The following TRDN variants were observed in gnomAD, a reference collection of about 807,000 sequenced individuals.
TRDN encodes the protein triadin.
Under a neutral mutation model 149.7 loss-of-function variants are expected in TRDN, and 161 were observed. That is an observed-to-expected ratio of 1.08 (90% CI 0.95 to 1.23). The LOEUF is 1.23. Ranked by LOEUF, TRDN falls within the 50% of genes most tolerant of loss-of-function variation. The probability of loss-of-function intolerance (pLI) is 0.00; values close to 1 mark genes in which losing one functional copy is unlikely to be tolerated. For synonymous variants in TRDN, 294 were observed against 250.5 expected (o/e 1.17, Z -1.64); for missense variants, 896 against 823.5 (o/e 1.09, Z -1.08).
intron 1 of TRDN, among the ~76,000 whole-genome samples, chr6:123,602,813 T>C (rs1178548696): frequency 6.6e-6 from 1 of 152,042 alleles, no homozygotes; most frequent in Admixed American, 6.6e-5. Context: ...GTCAGTGGAC[T>C]AGCACTCACA....
chr6:123,301,752 C>CATATAT (rs776895792), intron 24 of TRDN, among the ~76,000 whole-genome samples: 30 of 77,106 alleles, frequency 3.9e-4, no homozygotes, highest in African/African-American at 1.2e-3. Context: ...TATATATATA[C>CATATAT]ATATATATAT....
chr6:123,302,487 C>A (rs1443236074), intron 24 of TRDN, among the ~76,000 whole-genome samples: 1 of 152,068 alleles, frequency 6.6e-6, no homozygotes, highest in East Asian at 1.9e-4. Context: ...AGAAATCACC[C>A]ATCAAGTGAG....
At chr6:123,302,866 T>C (rs950078641) in intron 24 of TRDN, among the ~76,000 whole-genome samples, 2 of 152,156 alleles carry the variant, frequency 1.3e-5, no homozygotes, top group African/African-American at 4.8e-5. Flanking sequence ...AACAAGCAGC[T>C]AGGTGATGCT....
chr6:123,518,313 A>G (rs1233012577), intron 5 of TRDN, among the ~76,000 whole-genome samples: 2 of 152,210 alleles, frequency 1.3e-5, no homozygotes, highest in Non-Finnish European at 2.9e-5. Context: ...ATTCATACTG[A>G]CCACAAATGG....
chr6:123,499,838 C>T (rs945543177), intron 8 of TRDN, among the ~76,000 whole-genome samples: 2 of 146,958 alleles, frequency 1.4e-5, no homozygotes, highest in Non-Finnish European at 3.0e-5. Flanking sequence ...CCAGTATTTA[C>T]AAAGCATTTA....
intron 8 of TRDN, chr6:123,503,172 A>T (rs9385301): frequency 0.86 from 847,820 of 984,578 alleles, 365,612 homozygotes; most frequent in East Asian, 0.88. Context: ...TGAAAAAGAA[A>T]CTTGAGAACT....
At chr6:123,599,999 T>C (rs1784210157) in intron 1 of TRDN, among the ~76,000 whole-genome samples, 1 of 151,980 alleles carries the variant, frequency 6.6e-6, no homozygotes, top group East Asian at 1.9e-4. Flanking sequence ...AGATCTCCCA[T>C]TAGAACATAA....
At chr6:123,255,303 A>T (rs936760162) in intron 36 of TRDN, among the ~76,000 whole-genome samples, 178 bp from the exon 37 acceptor site, 1 of 152,128 alleles carries the variant, frequency 6.6e-6, no homozygotes, top group Non-Finnish European at 1.5e-5. Context: ...AGCACTAGAC[A>T]TTGTTTTATA....
chr6:123,414,095 C>T (rs925071698), intron 12 of TRDN, among the ~76,000 whole-genome samples: 2 of 152,200 alleles, frequency 1.3e-5, no homozygotes, highest in African/African-American at 4.8e-5. Flanking sequence ...TCTTCAAGTT[C>T]GCTATCTGAT....
At chr6:123,247,684 T>C (rs1776233260) in intron 38 of TRDN, among the ~76,000 whole-genome samples, 1 of 152,130 alleles carries the variant, frequency 6.6e-6, no homozygotes, top group African/African-American at 2.4e-5. Flanking sequence ...CTAAAGTAAT[T>C]TATGGATTCA....
chr6:123,261,436 A>C (rs1024709081), intron 33 of TRDN, among the ~76,000 whole-genome samples: 14 of 151,836 alleles, frequency 9.2e-5, no homozygotes, highest in Non-Finnish European at 1.9e-4. Flanking sequence ...GCTCATACAG[A>C]ACCATGCTTT....
intron 2 of TRDN, among the ~76,000 whole-genome samples, chr6:123,558,484 G>T (rs1200864568): frequency 1.3e-5 from 2 of 152,006 alleles, no homozygotes; most frequent in East Asian, 3.9e-4. Context: ...CAAGGTTAAT[G>T]CTCCTTTTTC....
chr6:123,452,086 AG>A (rs1343825608), intron 10 of TRDN, among the ~76,000 whole-genome samples: 1 of 152,118 alleles, frequency 6.6e-6, no homozygotes, highest in Admixed American at 6.6e-5. Context: ...TCAGCATTCA[AG>A]GGACATACCT....
At chr6:123,351,473 T>A in intron 21 of TRDN, 1 of 983,990 alleles carries the variant, frequency 1.0e-6, no homozygotes, top group Non-Finnish European at 1.2e-6. Flanking sequence ...AACAGAAACA[T>A]CTACTGAACT....
rs143258667 is a variant in TRDN at position 123,387,873 on chromosome 6, A to T, written c.1135+649T>A. ...ACTAAATGTCAGGGGAAAAAGAAAA[A>T]AATGGGGTTGAAGCTGATACCAATA... is the stretch of plus-strand genomic sequence containing the variant. On this transcript the variant is annotated intron_variant, in intron 14 of 40. Coordinates refer to ENST00000334268, the MANE Select transcript of TRDN (RefSeq NM_006073.4). Among the ~76,000 whole-genome samples the T allele has an allele frequency of 2.0e-5, 3 of 152,260 alleles. No homozygotes were observed. The East Asian group carries it at 5.8e-4, about 29-fold the overall frequency.
intron 12 of TRDN, among the ~76,000 whole-genome samples, chr6:123,399,349 G>T (rs969874836): frequency 2.0e-5 from 3 of 152,162 alleles, no homozygotes; most frequent in Non-Finnish European, 4.4e-5. Flanking sequence ...AGTTTCTTAA[G>T]TAATCAACAA....
intron 38 of TRDN, among the ~76,000 whole-genome samples, chr6:123,227,143 T>C (rs1238433750): frequency 6.6e-6 from 1 of 151,808 alleles, no homozygotes; most frequent in Non-Finnish European, 1.5e-5. Context: ...TTTAGAGATG[T>C]ACTTGGTAGA....
intron 21 of TRDN, among the ~76,000 whole-genome samples, chr6:123,344,346 A>G (rs889059842): frequency 6.6e-6 from 1 of 152,082 alleles, no homozygotes; most frequent in Non-Finnish European, 1.5e-5. Flanking sequence ...AGATTTTGAC[A>G]AAAGTATAAT....
chr6:123,488,896 C>G (rs1399926667), intron 9 of TRDN: 1 of 152,026 alleles, frequency 6.6e-6, no homozygotes, highest in Non-Finnish European at 1.5e-5. Context: ...CACTTAAGCT[C>G]TTTGTGTCTC....
Sources: allele counts gnomAD v4.1 joint callset (sites outside exome capture counted in the v4.1 genomes callset), GRCh38; gene constraint gnomAD v4.1.1; transcripts MANE v1.5; gene names NCBI Gene and HGNC (gene_info 2026-07-23, HGNC 2026-07-21).